Variants in KCNG3 observed in about 807,000 individuals in gnomAD.
KCNG3 encodes the protein potassium voltage-gated channel modifier subfamily G member 3.
KCNG3 carries 15 observed loss-of-function variants against 29.0 expected under a neutral mutation model. The ratio of observed to expected loss-of-function variants is 0.52; its 90% CI spans 0.35 to 0.80. KCNG3 has a LOEUF of 0.80. Ranked by LOEUF, KCNG3 falls within the 30% of genes least tolerant of loss-of-function variation. KCNG3 has a pLI of 0.01. For missense variants in KCNG3, 512 were observed against 605.7 expected, an observed-to-expected ratio of 0.85 and a Z score of 1.62; for synonymous variants, 322 against 248.9, an observed-to-expected ratio of 1.29 and a Z score of -2.76.
chr2:42,407,176 TC>T, the KCNG3 span, among the ~76,000 whole-genome samples: 3 of 146,162 alleles, frequency 2.1e-5, no homozygotes, highest in African/African-American at 7.6e-5. Flanking sequence ...ATCTGCTTGA[TC>T]TTTTTTTTTT....
At chr2:42,394,761 T>C in the KCNG3 span, among the ~76,000 whole-genome samples, 1 of 152,140 alleles carries the variant, frequency 6.6e-6, no homozygotes, top group Non-Finnish European at 1.5e-5. Context: ...CTAAAATGTA[T>C]AAAACCAAGC....
At chr2:42,420,315 T>G in the KCNG3 span, among the ~76,000 whole-genome samples, 1 of 152,242 alleles carries the variant, frequency 6.6e-6, no homozygotes, top group Non-Finnish European at 1.5e-5. Flanking sequence ...TACAAAGAGC[T>G]AGTGTGCTTT....
chr2:42,493,513 C>A lies in KCNG3; in HGVS notation c.-12G>T. The A allele has an allele frequency of 7.4e-7, 1 of 1,354,438 alleles. No individual in the cohort carries two copies. Among genetic ancestry groups the A allele is most frequent in the South Asian group, 1.9e-5 (1 of 52,520 alleles). The allele number at this position is 1,354,438 out of a possible 1,614,324, so 83.9% of individuals were successfully genotyped here. On this transcript the variant is annotated 5_prime_UTR_variant, in exon 1 of 2. Transcript: ENST00000306078. Reference sequence around the variant, plus strand: ...CGCCCGAAGGTCATGGCTGGCCGCCCGGGGGACTTTCGGCCCGAGGGCCCC... The same window carrying A: ...CGCCCGAAGGTCATGGCTGGCCGCCAGGGGGACTTTCGGCCCGAGGGCCCC...
the KCNG3 span, among the ~76,000 whole-genome samples, chr2:42,414,470 A>T: frequency 6.7e-6 from 1 of 150,314 alleles, no homozygotes; most frequent in African/African-American, 2.4e-5. Context: ...ATCTGTCTTT[A>T]CCTCCTGGTA....
intron 1 of KCNG3, among the ~76,000 whole-genome samples, chr2:42,481,391 A>G (rs1186695800): frequency 6.6e-6 from 1 of 152,080 alleles, no homozygotes; most frequent in Non-Finnish European, 1.5e-5. Context: ...ACCAGTACCA[A>G]AGGCTTCTGT....
the KCNG3 span, among the ~76,000 whole-genome samples, chr2:42,423,103 A>T: frequency 6.6e-6 from 1 of 152,224 alleles, no homozygotes. Context: ...CAGAGCCAAC[A>T]GTCGGCTTGA....
At chr2:42,417,993 AAAAT>A in the KCNG3 span, among the ~76,000 whole-genome samples, 19 of 151,686 alleles carry the variant, frequency 1.3e-4, no homozygotes, top group South Asian at 2.1e-4. Context: ...ATAAAAAATA[AAAAT>A]AAATAAATAA....
chr2:42,468,820 T>G (rs908989168), intron 1 of KCNG3, among the ~76,000 whole-genome samples: 2 of 151,718 alleles, frequency 1.3e-5, no homozygotes, highest in African/African-American at 4.8e-5. Context: ...CTGGGCTTGG[T>G]GGCAGGCACC....
intron 1 of KCNG3, among the ~76,000 whole-genome samples, chr2:42,467,196 C>T (rs1673162303): frequency 2.6e-5 from 4 of 151,856 alleles, no homozygotes; most frequent in African/African-American, 7.3e-5. Context: ...AAAAACTGAA[C>T]GGTCCTACAA....
chr2:42,484,352 C>T (rs982046670), intron 1 of KCNG3, among the ~76,000 whole-genome samples: 34 of 152,132 alleles, frequency 2.2e-4, no homozygotes, highest in Non-Finnish European at 4.3e-4. Context: ...GTCCCAGCTA[C>T]TCGGGGGGCT....
chr2:42,435,364 C>T, the KCNG3 span, among the ~76,000 whole-genome samples: 16 of 152,168 alleles, frequency 1.1e-4, no homozygotes, highest in South Asian at 1.0e-3. Flanking sequence ...TCATGACCTT[C>T]ACTTTATTAG....
At chr2:42,470,840 G>C (rs1243456275) in intron 1 of KCNG3, among the ~76,000 whole-genome samples, 1 of 151,924 alleles carries the variant, frequency 6.6e-6, no homozygotes, top group Admixed American at 6.6e-5. Context: ...CTGGACAACA[G>C]AGCAAGACCT....
rs756722958 is a variant in KCNG3, at chr2:42,492,825, A to C, written c.665+12T>G. 2.2e-5 allele frequency: 32 copies of C among 1,469,156 alleles called. No individual in the cohort carries two copies. Among genetic ancestry groups the C allele is most frequent in the Non-Finnish European group, 2.7e-5 (30 of 1,112,742 alleles). The allele number at this position is 1,469,156 out of a possible 1,614,324, so 91.0% of individuals were successfully genotyped here. On this transcript the variant is annotated intron_variant, in intron 1 of 1. Transcript: ENST00000306078. ...GGACGGACGGGACGGGTAGAGAAGC[A>C]GTGCGTCCTACCCGGAGGGCTCCCT... is the stretch of plus-strand genomic sequence containing the variant.
At chr2:42,487,437 T>G (rs1033222909) in intron 1 of KCNG3, among the ~76,000 whole-genome samples, 4 of 151,350 alleles carry the variant, frequency 2.6e-5, no homozygotes, top group African/African-American at 9.7e-5. Flanking sequence ...CTTAATATTA[T>G]TTTTAATCTT....
chr2:42,430,998 C>T, the KCNG3 span, among the ~76,000 whole-genome samples: 2 of 150,620 alleles, frequency 1.3e-5, no homozygotes, highest in Admixed American at 1.3e-4. Flanking sequence ...CCTAACTGCT[C>T]AGGAGGCTAA....
rs574146029 is a variant in KCNG3, at chr2:42,488,848, C to T, written c.665+3989G>A. Among the ~76,000 whole-genome samples, 8 of 152,082 alleles carry T rather than the reference C, an allele frequency of 5.3e-5. No individual in the cohort carries two copies. In the East Asian group the frequency reaches 1.6e-3, roughly 30 times the overall value. On this transcript the variant is annotated intron_variant, in intron 1 of 1. Coordinates refer to ENST00000306078, the MANE Select transcript of KCNG3 (RefSeq NM_133329.6). ...TACAGGCGTGAGCCACCACGCCTGG[C>T]CCCAAACAGCATTTTAAATTATACA...
At chr2:42,409,773 T>C in the KCNG3 span, among the ~76,000 whole-genome samples, 1 of 150,658 alleles carries the variant, frequency 6.6e-6, no homozygotes, top group Admixed American at 6.6e-5. Flanking sequence ...GCTCCCACCC[T>C]GTCTCCTTAA....
At chr2:42,415,102 G>GT in the KCNG3 span, among the ~76,000 whole-genome samples, 1 of 152,154 alleles carries the variant, frequency 6.6e-6, no homozygotes, top group East Asian at 1.9e-4. Context: ...TATCTTGGGA[G>GT]TTTTTTCCTT....
chr2:42,472,726 T>C (rs535757443), intron 1 of KCNG3, among the ~76,000 whole-genome samples: 13 of 151,710 alleles, frequency 8.6e-5, no homozygotes, highest in African/African-American at 2.7e-4. Flanking sequence ...TCTCAAACTA[T>C]TGGCCTCAGG....
Sources: allele counts gnomAD v4.1 joint callset (sites outside exome capture counted in the v4.1 genomes callset), GRCh38; gene constraint gnomAD v4.1.1; transcripts MANE v1.5; gene names NCBI Gene and HGNC (gene_info 2026-07-23, HGNC 2026-07-21).